The following GPC5 variants were observed in gnomAD, a reference collection of about 807,000 sequenced individuals.
GPC5 encodes glypican-5.
In GPC5, 47 loss-of-function variants were observed where a neutral mutation model predicts 53.9. That is an observed-to-expected ratio of 0.87 (90% CI 0.69 to 1.11). The LOEUF is 1.11. Among genes scored for constraint, GPC5 ranks in the 50% most tolerant of loss-of-function variants. GPC5 has a pLI of 0.00. For missense variants in GPC5, 748 were observed against 713.1 expected (o/e 1.05, Z -0.56); for synonymous variants, 286 against 263.3 (o/e 1.09, Z -0.84).
chr13:92,526,037 C>T (rs1480640453), intron 7 of GPC5, among the ~76,000 whole-genome samples: 1 of 152,100 alleles, frequency 6.6e-6, no homozygotes, highest in East Asian at 1.9e-4. Context: ...GTTCAAGTAT[C>T]TCCTGTCTTA....
At chr13:91,755,967 T>C (rs1291528214) in intron 4 of GPC5, among the ~76,000 whole-genome samples, 2 of 151,918 alleles carry the variant, frequency 1.3e-5, no homozygotes, top group Non-Finnish European at 2.9e-5. Context: ...TCGTTCTTTA[T>C]GCATCAGTAT....
chr13:91,509,738 C>G (rs1031346613), intron 2 of GPC5, among the ~76,000 whole-genome samples: 3 of 151,998 alleles, frequency 2.0e-5, no homozygotes, highest in Non-Finnish European at 2.9e-5. Flanking sequence ...TAGTCATGAT[C>G]TATTTTATTA....
intron 6 of GPC5, among the ~76,000 whole-genome samples, chr13:92,129,181 ATC>A (rs1371881390): frequency 6.6e-6 from 1 of 152,156 alleles, no homozygotes; most frequent in Non-Finnish European, 1.5e-5. Flanking sequence ...ATGAGATTAA[ATC>A]TGAGACTAAT....
chr13:91,644,560 C>A (rs991988652), intron 2 of GPC5, among the ~76,000 whole-genome samples: 1 of 152,114 alleles, frequency 6.6e-6, no homozygotes, highest in African/African-American at 2.4e-5. Flanking sequence ...CCTTTTATTT[C>A]TTGCATTCGC....
intron 7 of GPC5, among the ~76,000 whole-genome samples, chr13:92,536,290 A>G (rs2138995017): frequency 6.6e-6 from 1 of 152,316 alleles, no homozygotes; most frequent in South Asian, 2.1e-4. Context: ...TAAATACTGA[A>G]TATATACACA....
chr13:91,581,895 A>AAAACATTTAC (rs2032376838), intron 2 of GPC5, among the ~76,000 whole-genome samples: 1 of 152,312 alleles, frequency 6.6e-6, no homozygotes, highest in Admixed American at 6.5e-5. Context: ...GGAAATCTCC[A>AAAACATTTAC]AAACATTTAC....
chr13:92,065,499 T>C (rs767025448), intron 6 of GPC5, among the ~76,000 whole-genome samples: 4 of 152,106 alleles, frequency 2.6e-5, no homozygotes, highest in Non-Finnish European at 4.4e-5. Flanking sequence ...AGCTGAATAT[T>C]AGTGTGTAAA....
chr13:91,644,496 C>T (rs2034510917), intron 2 of GPC5, among the ~76,000 whole-genome samples: 1 of 152,062 alleles, frequency 6.6e-6, no homozygotes, highest in Non-Finnish European at 1.5e-5. Flanking sequence ...ACTTGTTAAT[C>T]TCCTCTTTTC....
chr13:92,181,735 G>A (rs1226688156), intron 7 of GPC5, among the ~76,000 whole-genome samples: 1 of 152,148 alleles, frequency 6.6e-6, no homozygotes, highest in African/African-American at 2.4e-5. Context: ...TTTGTGTATT[G>A]TATCCCATTG....
chr13:91,555,420 C>T (rs953849864), intron 2 of GPC5, among the ~76,000 whole-genome samples: 3 of 149,658 alleles, frequency 2.0e-5, no homozygotes, highest in Admixed American at 6.8e-5. Context: ...ACTAACTGCA[C>T]GTGTTTTACC....
At chr13:91,723,709 A>G (rs1243272674) in intron 3 of GPC5, among the ~76,000 whole-genome samples, 1 of 152,144 alleles carries the variant, frequency 6.6e-6, no homozygotes, top group Non-Finnish European at 1.5e-5. Flanking sequence ...GTTTATTCCA[A>G]TATTCTCTTA....
At chr13:92,489,014 T>A (rs1879661766) in intron 7 of GPC5, among the ~76,000 whole-genome samples, 1 of 152,168 alleles carries the variant, frequency 6.6e-6, no homozygotes, top group African/African-American at 2.4e-5. Flanking sequence ...CATATAAATA[T>A]TAATATATCA....
At chr13:92,743,865 CT>C (rs1164619206) in intron 7 of GPC5, among the ~76,000 whole-genome samples, 1 of 152,128 alleles carries the variant, frequency 6.6e-6, no homozygotes, top group Non-Finnish European at 1.5e-5. Context: ...GTCTTTGGTT[CT>C]GTTTATATGC....
chr13:92,708,739 G>A (rs1566376239), intron 7 of GPC5, among the ~76,000 whole-genome samples: 1 of 151,272 alleles, frequency 6.6e-6, no homozygotes, highest in Admixed American at 6.6e-5. Context: ...TGTTATTAGA[G>A]AAAGGTCAGC....
intron 2 of GPC5, among the ~76,000 whole-genome samples, chr13:91,527,859 T>A (rs1886160106): frequency 6.6e-6 from 1 of 152,224 alleles, no homozygotes; most frequent in South Asian, 2.1e-4. Context: ...TCTGAAACAA[T>A]GGCCTGAGCC....
chr13:91,816,379 C>T (rs77648827), intron 5 of GPC5, among the ~76,000 whole-genome samples: 6,706 of 152,086 alleles, frequency 0.044, 174 homozygotes, highest in Middle Eastern at 0.065. Context: ...GGTACTTCAG[C>T]AGGGAAGCAT....
At chr13:92,133,947 ATGAGT>A (rs2041764401) in intron 6 of GPC5, among the ~76,000 whole-genome samples, 1 of 152,140 alleles carries the variant, frequency 6.6e-6, no homozygotes, top group Non-Finnish European at 1.5e-5. Flanking sequence ...AATTTAGCAG[ATGAGT>A]TGAGGGACGA....
intron 2 of GPC5, among the ~76,000 whole-genome samples, chr13:91,567,062 T>G (rs1380897287): frequency 2.0e-5 from 3 of 151,984 alleles, no homozygotes; most frequent in Non-Finnish European, 2.9e-5. Flanking sequence ...TTGGCTCCCA[T>G]CATCATGCTT....
chr13:91,643,665 C>T (rs1399007679), intron 2 of GPC5, among the ~76,000 whole-genome samples: 1 of 152,186 alleles, frequency 6.6e-6, no homozygotes, highest in Non-Finnish European at 1.5e-5. Flanking sequence ...CGATCTGCTT[C>T]ATGCTTCTTA....
Sources: gnomAD v4.1 joint callset for allele counts (sites outside exome capture counted in the v4.1 genomes callset) on GRCh38, gnomAD v4.1.1 for gene constraint, MANE v1.5 for transcripts, NCBI Gene and HGNC (gene_info 2026-07-23, HGNC 2026-07-21) for gene names.